The following PRDM16 variants were observed in gnomAD, a reference collection of about 807,000 sequenced individuals.
PRDM16 encodes PR/SET domain 16.
PRDM16 carries 23 observed loss-of-function variants against 110.6 expected under a neutral mutation model. The ratio of observed to expected loss-of-function variants is 0.21; its 90% CI spans 0.15 to 0.29. The LOEUF (loss-of-function observed/expected upper bound fraction) is 0.29. Among genes scored for constraint, PRDM16 ranks in the 10% least tolerant of loss-of-function variants. The probability of loss-of-function intolerance (pLI) is 1.00; values close to 1 mark genes in which losing one functional copy is unlikely to be tolerated. For synonymous variants in PRDM16, 799 were observed against 781.8 expected (o/e 1.02, Z -0.37); for missense variants, 1,615 against 1,794.3 (o/e 0.90, Z 1.81).
chr1:3,315,843 G>C (rs1641587932), intron 3 of PRDM16, among the ~76,000 whole-genome samples: 1 of 152,174 alleles, frequency 6.6e-6, no homozygotes, highest in African/African-American at 2.4e-5. Flanking sequence ...ATTGATTAGA[G>C]CCGGGCTCCG....
At position 3,434,469 on chromosome 1, in the gene PRDM16, C is replaced by T. The variant is rs1638855654; in HGVS notation, c.*658C>T. The stretch of plus-strand genomic sequence containing the variant: ...TGTAGATAATGGAGAAATTTTCTAT[C>T]TCTGTCCCTATTTGTATAAGCCAAG... On this transcript the variant is annotated 3_prime_UTR_variant, in exon 17 of 17. Coordinates refer to ENST00000270722, the MANE Select transcript of PRDM16 (RefSeq NM_022114.4). 1 of 231,580 alleles carries T rather than the reference C, an allele frequency of 4.3e-6. No homozygotes were observed. The highest frequency in any genetic ancestry group is 2.2e-5 in the African/African-American group (1 of 45,224). The allele number at this position is 231,580 out of a possible 1,614,324, so 14.3% of individuals were successfully genotyped here.
chr1:3,078,076 C>G (rs768869937), intron 1 of PRDM16, among the ~76,000 whole-genome samples: 1 of 152,160 alleles, frequency 6.6e-6, no homozygotes, highest in African/African-American at 2.4e-5. Flanking sequence ...GCTGTTGGCA[C>G]GTGCCACTTT....
chr1:3,426,792 G>A (rs2493280), intron 14 of PRDM16, among the ~76,000 whole-genome samples: 2 of 152,088 alleles, frequency 1.3e-5, no homozygotes, highest in African/African-American at 4.8e-5. Context: ...TGCTCTGGGA[G>A]CTGCAGTTTA....
intron 3 of PRDM16, among the ~76,000 whole-genome samples, chr1:3,285,240 C>T (rs1389570323): frequency 6.6e-6 from 1 of 152,200 alleles, no homozygotes; most frequent in Non-Finnish European, 1.5e-5. Context: ...CCCCAGCCCT[C>T]TGGCCCCAGC....
At chr1:3,257,966 G>T (rs1198467014) in intron 3 of PRDM16, among the ~76,000 whole-genome samples, 1 of 152,154 alleles carries the variant, frequency 6.6e-6, no homozygotes, top group African/African-American at 2.4e-5. Context: ...TGTCCTGGGT[G>T]CTGGAGACAT....
At chr1:3,360,681 G>A (rs944008141) in intron 3 of PRDM16, among the ~76,000 whole-genome samples, 7 of 152,222 alleles carry the variant, frequency 4.6e-5, no homozygotes, top group African/African-American at 1.4e-4. Flanking sequence ...AGAAGGCTAC[G>A]TGGGCCTCTG....
At chr1:3,241,659 C>T (rs1408249186) in intron 2 of PRDM16, among the ~76,000 whole-genome samples, 2 of 152,260 alleles carry the variant, frequency 1.3e-5, no homozygotes, top group African/African-American at 2.4e-5. Flanking sequence ...CGTCAGACTC[C>T]GCCAGAAAGG....
chr1:3,127,462 G>A (rs1427179255), intron 1 of PRDM16, among the ~76,000 whole-genome samples: 3 of 152,206 alleles, frequency 2.0e-5, no homozygotes, highest in Non-Finnish European at 2.9e-5. Flanking sequence ...TGCACGATCT[G>A]TGTGTCTGGA....
intron 2 of PRDM16, among the ~76,000 whole-genome samples, chr1:3,188,129 T>C (rs758419745): frequency 1.3e-5 from 2 of 152,232 alleles, no homozygotes; most frequent in Non-Finnish European, 2.9e-5. Flanking sequence ...AGAGCATTTT[T>C]CTAGCAATAT....
chr1:3,171,685 T>C (rs1268576339), intron 1 of PRDM16, among the ~76,000 whole-genome samples: 1 of 152,192 alleles, frequency 6.6e-6, no homozygotes, highest in African/African-American at 2.4e-5. Context: ...AGGCCCCTTC[T>C]GGGTTCTGGT....
At chr1:3,341,180 CAAGCTCCAGAGTGCAAAGCTCTCGAGA>C (rs141989884) in intron 3 of PRDM16, among the ~76,000 whole-genome samples, 12,431 of 152,184 alleles carry the variant, frequency 0.082, 638 homozygotes, top group South Asian at 0.17. Flanking sequence ...CAGAGCTGAG[CAAGCTCCAGAGTGCAAAGCTCTCGAGA>C]AGTGACTGTC....
chr1:3,363,289 CT>C (rs1247984752), intron 3 of PRDM16, among the ~76,000 whole-genome samples: 3 of 152,236 alleles, frequency 2.0e-5, no homozygotes, highest in African/African-American at 7.2e-5. Flanking sequence ...TGTCATTTTC[CT>C]TTGACAACTT....
intron 1 of PRDM16, among the ~76,000 whole-genome samples, chr1:3,165,706 T>A (rs367823931): frequency 1.5e-3 from 83 of 56,416 alleles, no homozygotes; most frequent in East Asian, 8.7e-3. Flanking sequence ...GGGACTCACC[T>A]GGGCTCAGGG....
At chr1:3,384,882 C>T (rs954160805) in intron 3 of PRDM16, among the ~76,000 whole-genome samples, 4 of 152,150 alleles carry the variant, frequency 2.6e-5, no homozygotes, top group Non-Finnish European at 5.9e-5. Flanking sequence ...ATTTTATCGC[C>T]GGGCCAGGGC....
rs751076696 is a variant in PRDM16, at chr1:3,181,422, ACG to A, written c.38-4700_38-4699del. Among the ~76,000 whole-genome samples, 37 of 54,700 alleles carry A rather than the reference ACG, an allele frequency of 6.8e-4. 5 individuals are homozygous for A. The highest frequency in any genetic ancestry group is 1.6e-3 in the Admixed American group (6 of 3,690). 35.9% of individuals were successfully genotyped at this position (54,700 alleles called of 152,430 possible). A position where few individuals can be genotyped will look rare whatever the true frequency, so the allele number is the denominator to read the frequency against. On this transcript the variant is annotated intron_variant, in intron 1 of 16. Coordinates refer to ENST00000270722, the MANE Select transcript of PRDM16 (RefSeq NM_022114.4). ...TGGTCTTACACACGCAGTCTTACACACGCGGTCTTACACAAGCAGTCTTACAC... is the reference window on the plus strand; with the variant it reads ...TGGTCTTACACACGCAGTCTTACACACGGTCTTACACAAGCAGTCTTACAC...
At chr1:3,280,281 G>A (rs1640684927) in intron 3 of PRDM16, among the ~76,000 whole-genome samples, 1 of 152,228 alleles carries the variant, frequency 6.6e-6, no homozygotes, top group Admixed American at 6.5e-5. Flanking sequence ...ATGTGCGCAT[G>A]ACCTGGTGTG....
chr1:3,334,045 C>T (rs879532701), intron 3 of PRDM16, among the ~76,000 whole-genome samples: 2 of 152,248 alleles, frequency 1.3e-5, no homozygotes, highest in Non-Finnish European at 2.9e-5. Flanking sequence ...AACGGCATAA[C>T]ACACGTAAAG....
At chr1:3,397,204 A>G (rs1313886648) in intron 5 of PRDM16, among the ~76,000 whole-genome samples, 1 of 152,238 alleles carries the variant, frequency 6.6e-6, no homozygotes, top group Non-Finnish European at 1.5e-5. Flanking sequence ...CAAGAGGGAA[A>G]ATGCGGGGTC....
intron 1 of PRDM16, among the ~76,000 whole-genome samples, chr1:3,109,723 A>T (rs1001408291): frequency 6.6e-6 from 1 of 152,232 alleles, no homozygotes; most frequent in African/African-American, 2.4e-5. Context: ...AGCAAAGGAC[A>T]TGAAAGCAAA....
Sources: allele counts gnomAD v4.1 joint callset (sites outside exome capture counted in the v4.1 genomes callset), GRCh38; gene constraint gnomAD v4.1.1; transcripts MANE v1.5; gene names NCBI Gene and HGNC (gene_info 2026-07-23, HGNC 2026-07-21).